CHCHD6: variants seen among roughly 807,000 people sequenced by gnomAD.
CHCHD6 encodes the protein MICOS complex subunit MIC25.
CHCHD6 carries 28 observed loss-of-function variants against 32.3 expected under a neutral mutation model. The ratio of observed to expected loss-of-function variants is 0.87; its 90% CI spans 0.64 to 1.19. CHCHD6 has a LOEUF of 1.19. CHCHD6 is among the 50% of genes most tolerant of loss of function. The pLI, the probability that CHCHD6 is intolerant of heterozygous loss-of-function variation, is 0.00. For missense variants in CHCHD6, 333 were observed against 307.0 expected (o/e 1.08, Z -0.63); for synonymous variants, 122 against 117.5 (o/e 1.04, Z -0.25).
chr3:126,730,682 C>G, intron 3 of CHCHD6, 52 bp downstream of exon 3: 1 of 1,469,062 alleles, frequency 6.8e-7, no homozygotes, highest in Non-Finnish European at 9.5e-7. Context: ...CTAAAAGCCT[C>G]TTTCCTCACT....
At chr3:126,814,183 C>T (rs550082915) in intron 4 of CHCHD6, among the ~76,000 whole-genome samples, 2 of 152,170 alleles carry the variant, frequency 1.3e-5, no homozygotes, top group African/African-American at 2.4e-5. Context: ...ACGGAGAGAA[C>T]AGAGGGAAAG....
At chr3:126,784,186 A>G (rs1258838880) in intron 4 of CHCHD6, among the ~76,000 whole-genome samples, 1 of 152,126 alleles carries the variant, frequency 6.6e-6, no homozygotes, top group Admixed American at 6.6e-5. Context: ...TCTTTTCCTC[A>G]GTGGTGCCCA....
intron 6 of CHCHD6, among the ~76,000 whole-genome samples, chr3:126,943,681 G>A (rs978941702): frequency 6.6e-6 from 1 of 152,160 alleles, no homozygotes; most frequent in Non-Finnish European, 1.5e-5. Context: ...GCGAGGTAGG[G>A]CTGTCATAAT....
At chr3:126,930,159 G>A (rs980199097) in intron 6 of CHCHD6, among the ~76,000 whole-genome samples, 1 of 152,338 alleles carries the variant, frequency 6.6e-6, no homozygotes, top group Non-Finnish European at 1.5e-5. Context: ...GAAGAGGAGG[G>A]AATGTGGTTT....
At chr3:126,708,729 A>G (rs140485287) in intron 1 of CHCHD6, among the ~76,000 whole-genome samples, 93 of 152,176 alleles carry the variant, frequency 6.1e-4, no homozygotes, top group Admixed American at 2.0e-3. Context: ...GCTTTTTAGT[A>G]AACTGTGGTG....
intron 6 of CHCHD6, among the ~76,000 whole-genome samples, chr3:126,944,210 A>G (rs1000345471): frequency 1.3e-5 from 2 of 152,262 alleles, no homozygotes; most frequent in African/African-American, 2.4e-5. Flanking sequence ...GGCATGGCCC[A>G]GACAGACGCC....
At chr3:126,883,106 A>G (rs2077632962) in intron 5 of CHCHD6, among the ~76,000 whole-genome samples, 1 of 152,230 alleles carries the variant, frequency 6.6e-6, no homozygotes, top group Non-Finnish European at 1.5e-5. Context: ...GCTTCCAGGT[A>G]GCTGAACACT....
At chr3:126,959,265 G>C (rs2078828511) in intron 7 of CHCHD6, among the ~76,000 whole-genome samples, 1 of 152,254 alleles carries the variant, frequency 6.6e-6, no homozygotes, top group African/African-American at 2.4e-5. Context: ...CCCCTGACAT[G>C]ACTAGCAAAG....
At chr3:126,958,576 G>A (rs555435604) in intron 7 of CHCHD6, among the ~76,000 whole-genome samples, 111 of 152,284 alleles carry the variant, frequency 7.3e-4, no homozygotes, top group Non-Finnish European at 1.2e-3. Flanking sequence ...GTCATGCCCT[G>A]CTCACACCCA....
chr3:126,812,575 C>A (rs1939708959), intron 4 of CHCHD6, among the ~76,000 whole-genome samples: 1 of 151,788 alleles, frequency 6.6e-6, no homozygotes, highest in South Asian at 2.1e-4. Context: ...CAGGCACCCA[C>A]CACCATACCC....
intron 6 of CHCHD6, among the ~76,000 whole-genome samples, chr3:126,935,991 C>T (rs1368635073): frequency 6.6e-6 from 1 of 152,208 alleles, no homozygotes; most frequent in Admixed American, 6.5e-5. Context: ...CCAGGAAATC[C>T]ATAGATGGAA....
At chr3:126,714,076 CAAA>C (rs1157910763) in intron 1 of CHCHD6, among the ~76,000 whole-genome samples, 3 of 28,878 alleles carry the variant, frequency 1.0e-4, no homozygotes, top group African/African-American at 2.5e-4. Context: ...GACTGCATCT[CAAA>C]AAAAAAAAAA....
At chr3:126,909,584 G>A (rs964435477) in intron 5 of CHCHD6, among the ~76,000 whole-genome samples, 1 of 152,194 alleles carries the variant, frequency 6.6e-6, no homozygotes, top group Admixed American at 6.5e-5. Context: ...TCTTACTCAC[G>A]TTATTTAATT....
intron 5 of CHCHD6, among the ~76,000 whole-genome samples, chr3:126,882,154 TCTGCCAGATAC>T (rs2077619352): frequency 6.6e-6 from 1 of 152,208 alleles, no homozygotes; most frequent in Non-Finnish European, 1.5e-5. Flanking sequence ...GTCAGGGGCG[TCTGCCAGATAC>T]CCTCAGAGCC....
chr3:126,922,492 T>G (rs1198468162), intron 6 of CHCHD6, among the ~76,000 whole-genome samples: 1 of 152,190 alleles, frequency 6.6e-6, no homozygotes, highest in South Asian at 2.1e-4. Flanking sequence ...CTTACCTTGC[T>G]CTTTTCTGCT....
At chr3:126,804,734 G>C (rs1396970849) in intron 4 of CHCHD6, among the ~76,000 whole-genome samples, 1 of 149,096 alleles carries the variant, frequency 6.7e-6, no homozygotes, top group East Asian at 1.9e-4. Context: ...AAGCCTGGCA[G>C]AGACACAACA....
chr3:126,717,358 C>T (rs1389912967), intron 1 of CHCHD6, among the ~76,000 whole-genome samples: 2 of 152,188 alleles, frequency 1.3e-5, no homozygotes, highest in Admixed American at 6.5e-5. Context: ...ACTGCTCACT[C>T]CTGTCCTTGT....
rs1397473463 is a variant in CHCHD6 at position 126,802,244 on chromosome 3, C to A, written c.412-50403C>A. On this transcript the variant is annotated intron_variant, in intron 4 of 7. Transcript: ENST00000290913. ...ACTTTGATGAGTTGAGAGAAGAAGG[C>A]TTCAGACGATCAAACTACTGTGAGC... is the stretch of plus-strand genomic sequence containing the variant. Among the ~76,000 whole-genome samples the A allele has an allele frequency of 1.3e-5, 2 of 152,278 alleles. 1 individual carries two copies. The highest frequency in any genetic ancestry group is 3.9e-4 in the East Asian group (2 of 5,188).
At chr3:126,756,697 T>C (rs1406251191) in intron 4 of CHCHD6, among the ~76,000 whole-genome samples, 2 of 152,246 alleles carry the variant, frequency 1.3e-5, no homozygotes, top group Non-Finnish European at 2.9e-5. Flanking sequence ...ATCATTCATT[T>C]ACCTATTCAC....
Sources: allele counts gnomAD v4.1 joint callset (sites outside exome capture counted in the v4.1 genomes callset), GRCh38; gene constraint gnomAD v4.1.1; transcripts MANE v1.5; gene names NCBI Gene and HGNC (gene_info 2026-07-23, HGNC 2026-07-21).